The following MRPL9 variants were observed in gnomAD, a reference collection of about 807,000 sequenced individuals.
MRPL9 encodes mitochondrial ribosomal protein L9.
Under a neutral mutation model 27.6 loss-of-function variants are expected in MRPL9, and 25 were observed. The observed-to-expected ratio is 0.91, with a 90% CI of 0.66 to 1.27. The LOEUF (loss-of-function observed/expected upper bound fraction) is 1.27. Ranked by LOEUF, MRPL9 falls within the 50% of genes most tolerant of loss-of-function variation. The pLI is 0.00. For synonymous variants in MRPL9, 154 were observed against 139.0 expected (o/e 1.11, Z -0.76); for missense variants, 362 against 338.0 (o/e 1.07, Z -0.56).
chr1:151,763,403 A>C lies in MRPL9; in HGVS notation c.77T>G (p.Val26Gly), dbSNP rs768370611. The C allele has an allele frequency of 1.0e-5, 16 of 1,565,476 alleles. No individual in the cohort carries two copies. The highest frequency in any genetic ancestry group is 3.8e-5 in the Admixed American group (2 of 53,134). The change falls in exon 1 of 7, where the codon GTC (valine) becomes GGC (glycine). Residue 26 changes from valine to glycine, a missense_variant. By Grantham distance (109) the Val-to-Gly change is moderately radical (BLOSUM62 -3). Coordinates refer to ENST00000368830, the MANE Select transcript of MRPL9 (RefSeq NM_031420.4). Reference sequence around the variant, plus strand: ...ATGTCGCGGCCGCAGTAGCTCCTGGACGCCTCCCCGAAGCAGCCGTCCAGC... The same window carrying C: ...ATGTCGCGGCCGCAGTAGCTCCTGGCCGCCTCCCCGAAGCAGCCGTCCAGC... Reference protein sequence around the residue: ...AGAGRLLRGGVQELLRPRHEG... With the variant: ...AGAGRLLRGGGQELLRPRHEG...
chr1:151,760,787 A>G, intron 6 of MRPL9, 29 bp downstream of exon 6: 2 of 1,540,078 alleles, frequency 1.3e-6, no homozygotes, highest in Non-Finnish European at 8.7e-7. Flanking sequence ...GAGAAAGAAA[A>G]GAAAAAAGAA....
At chr1:151,762,709 G>A (rs1234469742) in intron 2 of MRPL9, 2 of 650,788 alleles carry the variant, frequency 3.1e-6, no homozygotes, top group Non-Finnish European at 5.1e-6. Flanking sequence ...CCTGTATAGA[G>A]GGAGTTGTCG....
intron 2 of MRPL9, 43 bp from the exon 3 acceptor site, chr1:151,762,543 A>C (rs1385663097): frequency 6.3e-7 from 1 of 1,576,674 alleles, no homozygotes; most frequent in East Asian, 2.3e-5. Flanking sequence ...ACCATCTAGG[A>C]GTCCCTAAAG....
chr1:151,761,066 C>T (rs1231577778), intron 5 of MRPL9, 167 bp from the exon 6 acceptor site: 1 of 609,064 alleles, frequency 1.6e-6, no homozygotes, highest in Non-Finnish European at 2.8e-6. Flanking sequence ...GGGCATACAC[C>T]TTCATAGACG....
In MRPL9 at chr1:151,763,496, T is replaced by G; in HGVS notation, c.-17A>C. On this transcript the variant is annotated 5_prime_UTR_variant, in exon 1 of 7. Transcript: ENST00000368830. ...CGCCGCCATGTTCACAGGCACAGAATGAGACCTGAGGGAGGACCCCGGCGT... is the reference window on the plus strand; with the variant it reads ...CGCCGCCATGTTCACAGGCACAGAAGGAGACCTGAGGGAGGACCCCGGCGT... 1 of 1,551,516 alleles carries G rather than the reference T, an allele frequency of 6.4e-7. No homozygotes were observed. The highest frequency in any genetic ancestry group is 8.7e-7 in the Non-Finnish European group (1 of 1,147,014).
chr1:151,760,040 G>C lies in MRPL9; in HGVS notation c.*10C>G, dbSNP rs749943807. 1 of 1,612,908 alleles carries C rather than the reference G, an allele frequency of 6.2e-7. No homozygotes were observed. The highest frequency in any genetic ancestry group is 1.7e-5 in the Admixed American group (1 of 59,870). ...CGATTCTGCTTTGCTGCCTTGGAGG[G>C]AGAGTAGATTTAGATCTGGGGGCTG... On this transcript the variant is annotated 3_prime_UTR_variant, in exon 7 of 7. Transcript: ENST00000368830.
chr1:151,763,439 A>C lies in MRPL9; in HGVS notation c.41T>G (p.Leu14Arg). 1 of 1,570,760 alleles carries C rather than the reference A, an allele frequency of 6.4e-7. No homozygotes were observed. Among genetic ancestry groups the C allele is most frequent in the Non-Finnish European group, 8.6e-7 (1 of 1,158,084 alleles). Residue 14 changes from leucine (L) to arginine (R), a missense_variant, in exon 1 of 7, where the codon CTG becomes CGG. Physicochemically the swap from Leu to Arg is moderately radical, Grantham distance 102. Transcript: ENST00000368830. ...AAGCAGCCGTCCAGCGCCCGCCCGC[A>C]GCAGAGCTCTGCCCGGGGCCGTGAC... ...PVVTAPGRAL[L>R]RAGAGRLLRG...
At chr1:151,761,893 T>C in intron 4 of MRPL9, 1 of 604,682 alleles carries the variant, frequency 1.7e-6, no homozygotes, top group Non-Finnish European at 2.9e-6. Context: ...ATTCCCAGAT[T>C]GGGACCTCCC....
At chr1:151,762,746 G>A (rs1490414078) in intron 2 of MRPL9, 2 of 649,842 alleles carry the variant, frequency 3.1e-6, no homozygotes, top group African/African-American at 3.7e-5. Context: ...AGTATCTGTG[G>A]CACAAATTGT....
chr1:151,761,661 CCAAGGTGGGT>C, intron 4 of MRPL9, 109 bp from the exon 5 acceptor site: 1 of 778,328 alleles, frequency 1.3e-6, no homozygotes, highest in Non-Finnish European at 2.1e-6. Flanking sequence ...CTTTGGGAGG[CCAAGGTGGGT>C]CTCCCAAAGT....
intron 1 of MRPL9, 60 bp from the exon 2 acceptor site, chr1:151,763,206 C>A (rs1648195589): frequency 6.4e-7 from 1 of 1,564,676 alleles, no homozygotes; most frequent in East Asian, 2.4e-5. Flanking sequence ...CTCCCTCCAC[C>A]ACGGCCGCCA....
In MRPL9 at chr1:151,763,454, G is replaced by C. The variant is rs1216068448; in HGVS notation, c.26C>G (p.Pro9Arg). 7 of 1,574,250 alleles carry C rather than the reference G, an allele frequency of 4.4e-6. No homozygotes were observed. In the Admixed American group the frequency reaches 7.5e-5, roughly 17 times the overall value. The change falls in exon 1 of 7, where the codon CCG becomes CGG. Residue 9 changes from proline to arginine, a missense_variant. Physicochemically the swap from Pro to Arg is moderately radical, Grantham distance 103. Coordinates refer to ENST00000368830, the MANE Select transcript of MRPL9 (RefSeq NM_031420.4). MAAPVVTA[P>R]GRALLRAGAG... is the part of the protein sequence containing the mutation. ...GCCCGCCCGCAGCAGAGCTCTGCCC[G>C]GGGCCGTGACAACGGGCGCCGCCAT...
Position 151,762,442 on chromosome 1 carries a change from G to A in MRPL9, c.369C>T (p.Leu123=), listed in dbSNP as rs1648137853. The change falls in exon 3 of 7, where the codon CTC becomes CTT. Residue 123 remains leucine (L), a synonymous_variant. Coordinates refer to ENST00000368830, the MANE Select transcript of MRPL9 (RefSeq NM_031420.4). ...SVKKSLGRNR[L]LPQGLAVYAS... is the part of the protein sequence containing the mutation. The stretch of plus-strand genomic sequence containing the variant: ...CATATACAGCCAGTCCCTGAGGAAG[G>A]AGTCGATTCCGGCCTAAAGATTTCT... 3 of 1,614,062 alleles carry A rather than the reference G, an allele frequency of 1.9e-6. No individual in the cohort carries two copies. Among genetic ancestry groups the A allele is most frequent in the Admixed American group, 1.7e-5 (1 of 60,008 alleles).
At position 151,760,016 on chromosome 1, in the gene MRPL9, G is replaced by A. The variant is rs369186790; in HGVS notation, c.*34C>T. On this transcript the variant is annotated 3_prime_UTR_variant, in exon 7 of 7. Coordinates refer to ENST00000368830, the MANE Select transcript of MRPL9 (RefSeq NM_031420.4). Reference sequence around the variant, plus strand: ...TGCACATTTCTGCTCCACTGCTCCCGATTCTGCTTTGCTGCCTTGGAGGGA... The same window carrying A: ...TGCACATTTCTGCTCCACTGCTCCCAATTCTGCTTTGCTGCCTTGGAGGGA... 66 of 1,606,554 alleles carry A rather than the reference G, an allele frequency of 4.1e-5. No individual in the cohort carries two copies. The East Asian group carries it at 5.8e-4, about 14-fold the overall frequency.
Position 151,763,039 on chromosome 1 carries a change from C to G in MRPL9, c.261G>C (p.Lys87Asn), listed in dbSNP as rs148707904. The G allele has an allele frequency of 6.8e-5, 109 of 1,614,124 alleles. No homozygotes were observed. The highest frequency in any genetic ancestry group is 1.3e-5 in the Non-Finnish European group (15 of 1,180,050). Residue 87 changes from lysine (K) to asparagine (N), a missense_variant, in exon 2 of 7, where the codon AAG becomes AAC. Lys to Asn is a moderately conservative substitution (Grantham distance 94). Coordinates refer to ENST00000368830, the MANE Select transcript of MRPL9 (RefSeq NM_031420.4). ...HRVYKLVEDT[K>N]HRPKENLELI... The stretch of plus-strand genomic sequence containing the variant: ...GCTCCAGGTTTTCTTTGGGCCGATG[C>G]TTCGTGTCCTCCACCAGCTTATAGA...
Position 151,761,567 on chromosome 1 carries a change from G to A in MRPL9, c.487-15C>T, listed in dbSNP as rs1340510538. The A allele has an allele frequency of 7.0e-6, 11 of 1,571,298 alleles. No homozygotes were observed. In the African/African-American group the frequency reaches 1.5e-4, roughly 21 times the overall value. ...AATTTCACTGTCTGAAAGGAATTAT[G>A]AGTTTGAGTCAAAGGAGAGGAAACA... On this transcript the variant is annotated splice_polypyrimidine_tract_variant and intron_variant, in intron 4 of 6. Transcript: ENST00000368830.
chr1:151,760,903 C>CAAAAAAAAAAAAAAAAAAAAAA lies in MRPL9; in HGVS notation c.589-26_589-5dup, dbSNP rs755031728. ...GTGGGGCAACCACAACACCAAGCTGCAAAAAAAAAAAAAAAAAAAAAAATC... is the reference window on the plus strand; with the variant it reads ...GTGGGGCAACCACAACACCAAGCTGCAAAAAAAAAAAAAAAAAAAAAAAAAAAAAAAAAAAAAAAAAAAAATC... On this transcript the variant is annotated splice_polypyrimidine_tract_variant and splice_region_variant and intron_variant, in intron 5 of 6. Transcript: ENST00000368830. 116 of 953,864 alleles carry CAAAAAAAAAAAAAAAAAAAAAA rather than the reference C, an allele frequency of 1.2e-4. No individual in the cohort carries two copies. The highest frequency in any genetic ancestry group is 7.5e-4 in the African/African-American group (27 of 35,858). 59.1% of individuals were successfully genotyped at this position (953,864 alleles called of 1,614,324 possible).
chr1:151,762,687 A>C lies in MRPL9; in HGVS notation c.311-187T>G, dbSNP rs567597680. On this transcript the variant is annotated intron_variant, in intron 2 of 6. Coordinates refer to ENST00000368830, the MANE Select transcript of MRPL9 (RefSeq NM_031420.4). Reference sequence around the variant, plus strand: ...TAGTTTCTTTAGAACTTGATGTATAAATTTAATATCCCCTGTATAGAGGGA... The same window carrying C: ...TAGTTTCTTTAGAACTTGATGTATACATTTAATATCCCCTGTATAGAGGGA... 12 of 677,936 alleles carry C rather than the reference A, an allele frequency of 1.8e-5. No individual in the cohort carries two copies. In the African/African-American group the frequency reaches 2.2e-4, roughly 12 times the overall value. 42.0% of individuals were successfully genotyped at this position (677,936 alleles called of 1,614,324 possible).
At position 151,763,342 on chromosome 1, in the gene MRPL9, G is replaced by A. The variant is rs1384974252; in HGVS notation, c.138C>T (p.Ser46=). 6.3e-7 allele frequency: 1 copy of A among 1,590,798 alleles called. No individual in the cohort carries two copies. Among genetic ancestry groups the A allele is most frequent in the Non-Finnish European group, 8.6e-7 (1 of 1,167,388 alleles). The change falls in exon 1 of 7, where the codon AGC becomes AGT. Residue 46 remains serine (S), a synonymous_variant. Coordinates refer to ENST00000368830, the MANE Select transcript of MRPL9 (RefSeq NM_031420.4). ...CAGCCCTCACCCGATTTTGAGAAAGGCTGAAGTTGCAGGCCAGGTCAGGGG... is the reference window on the plus strand; with the variant it reads ...CAGCCCTCACCCGATTTTGAGAAAGACTGAAGTTGCAGGCCAGGTCAGGGG... ...GNAPDLACNF[S]LSQNRGTVIV...
Sources: allele counts gnomAD v4.1 joint callset, GRCh38; gene constraint gnomAD v4.1.1; transcripts MANE v1.5; gene names NCBI Gene and HGNC (gene_info 2026-07-23, HGNC 2026-07-21).